The following MDGA2 variants were observed in gnomAD, a reference collection of about 807,000 sequenced individuals.
MDGA2 encodes the protein MAM domain-containing glycosylphosphatidylinositol anchor protein 2.
In MDGA2, 40 loss-of-function variants were observed where a neutral mutation model predicts 117.8. The ratio of observed to expected loss-of-function variants is 0.34; its 90% CI spans 0.26 to 0.44. The LOEUF (loss-of-function observed/expected upper bound fraction) is 0.44, where lower values mean the gene tolerates loss of function less well. Ranked by LOEUF, MDGA2 falls within the 20% of genes least tolerant of loss-of-function variation. The pLI is 1.00. For missense variants in MDGA2, 1,123 were observed against 1,250.6 expected (o/e 0.90, Z 1.54); for synonymous variants, 452 against 439.0 (o/e 1.03, Z -0.37).
chr14:47,579,744 CA>C (rs1896192619), intron 1 of MDGA2, among the ~76,000 whole-genome samples: 1 of 152,046 alleles, frequency 6.6e-6, no homozygotes, highest in South Asian at 2.1e-4. Context: ...TCAATCTTTA[CA>C]GAAAGTTAGG....
chr14:47,673,667 T>TGTGTGTGC (rs774542643), intron 1 of MDGA2, among the ~76,000 whole-genome samples: 1 of 143,532 alleles, frequency 7.0e-6, no homozygotes, highest in South Asian at 2.2e-4. Flanking sequence ...TGTGTGTGTG[T>TGTGTGTGC]GTGCTTCCAT....
intron 1 of MDGA2, among the ~76,000 whole-genome samples, chr14:47,477,126 C>T (rs940366739): frequency 6.6e-6 from 1 of 152,206 alleles, no homozygotes; most frequent in East Asian, 1.9e-4. Flanking sequence ...CGTGCCATTG[C>T]ACTCCAGCCT....
chr14:46,962,601 A>C (rs900528399), intron 8 of MDGA2, among the ~76,000 whole-genome samples: 2 of 151,998 alleles, frequency 1.3e-5, no homozygotes, highest in Non-Finnish European at 2.9e-5. Context: ...TAAACATTTT[A>C]AATGTTTTTA....
chr14:47,436,750 C>CA (rs1310054352), intron 1 of MDGA2, among the ~76,000 whole-genome samples: 5 of 152,198 alleles, frequency 3.3e-5, no homozygotes, highest in African/African-American at 1.2e-4. Flanking sequence ...GGGCCTCATT[C>CA]AAAGCTGTCC....
chr14:47,308,795 C>T (rs1164309294), intron 1 of MDGA2, among the ~76,000 whole-genome samples: 1 of 152,076 alleles, frequency 6.6e-6, no homozygotes, highest in East Asian at 1.9e-4. Context: ...ATGTGCTTTG[C>T]CCTCCTCTGT....
chr14:46,885,149 T>C (rs1232819180), intron 10 of MDGA2, among the ~76,000 whole-genome samples: 2 of 151,988 alleles, frequency 1.3e-5, no homozygotes, highest in Non-Finnish European at 2.9e-5. Context: ...GCCTGGCCAA[T>C]ATATTGCTTT....
At chr14:47,344,625 G>T (rs1171778139) in intron 1 of MDGA2, among the ~76,000 whole-genome samples, 1 of 151,804 alleles carries the variant, frequency 6.6e-6, no homozygotes, top group Non-Finnish European at 1.5e-5. Context: ...TTGGTATACT[G>T]GTCCCTTGGC....
chr14:47,061,881 T>A (rs537676055), intron 6 of MDGA2, among the ~76,000 whole-genome samples: 15 of 152,140 alleles, frequency 9.9e-5, no homozygotes, highest in African/African-American at 3.6e-4. Context: ...AATATTGACA[T>A]TGAATTTTGA....
intron 7 of MDGA2, chr14:47,058,894 G>T: frequency 2.0e-6 from 2 of 978,916 alleles, no homozygotes; most frequent in Non-Finnish European, 2.4e-6. Flanking sequence ...CCCCAAATTT[G>T]CTTTAATGCT....
intron 3 of MDGA2, among the ~76,000 whole-genome samples, chr14:47,187,004 C>T (rs1243604205): frequency 6.6e-6 from 1 of 151,706 alleles, no homozygotes; most frequent in Non-Finnish European, 1.5e-5. Context: ...TTTCTGCTGC[C>T]AATAATGAAG....
intron 1 of MDGA2, among the ~76,000 whole-genome samples, chr14:47,552,838 C>T (rs1895610197): frequency 6.6e-6 from 1 of 152,182 alleles, no homozygotes; most frequent in Non-Finnish European, 1.5e-5. Context: ...CATGTGACTC[C>T]TTTGTATACC....
chr14:46,890,410 T>C (rs555926554), intron 10 of MDGA2, among the ~76,000 whole-genome samples: 1 of 152,260 alleles, frequency 6.6e-6, no homozygotes, highest in South Asian at 2.1e-4. Context: ...AAAAAGTTTT[T>C]AACTTATATA....
intron 3 of MDGA2, among the ~76,000 whole-genome samples, chr14:47,203,989 G>A (rs1167212209): frequency 2.0e-5 from 3 of 151,922 alleles, no homozygotes; most frequent in Non-Finnish European, 2.9e-5. Flanking sequence ...AGAAAAATTT[G>A]AGTTGGCACA....
At chr14:47,085,975 AAATT>A (rs1890880974) in intron 6 of MDGA2, among the ~76,000 whole-genome samples, 1 of 152,114 alleles carries the variant, frequency 6.6e-6, no homozygotes, top group South Asian at 2.1e-4. Context: ...CAATGCTTTT[AAATT>A]AATTACCTTA....
chr14:47,304,924 A>T (rs1156936851), intron 1 of MDGA2, among the ~76,000 whole-genome samples: 1 of 152,124 alleles, frequency 6.6e-6, no homozygotes, highest in Non-Finnish European at 1.5e-5. Flanking sequence ...TTCTTGGATT[A>T]CTTATAAATG....
chr14:47,252,284 G>A (rs1221753034), intron 2 of MDGA2, among the ~76,000 whole-genome samples: 1 of 151,890 alleles, frequency 6.6e-6, no homozygotes, highest in African/African-American at 2.4e-5. Flanking sequence ...TAATAAATAA[G>A]AAATAAATTA....
At chr14:47,355,248 C>T (rs1369868042) in intron 1 of MDGA2, among the ~76,000 whole-genome samples, 1 of 152,134 alleles carries the variant, frequency 6.6e-6, no homozygotes, top group Non-Finnish European at 1.5e-5. Context: ...CTATGATCAG[C>T]CCTGAATGAG....
intron 2 of MDGA2, among the ~76,000 whole-genome samples, chr14:47,268,373 C>A (rs1408664062): frequency 2.6e-5 from 4 of 152,004 alleles, no homozygotes; most frequent in African/African-American, 9.7e-5. Context: ...GTGCGCCAGG[C>A]CCTTATTTCC....
intron 10 of MDGA2, among the ~76,000 whole-genome samples, chr14:46,905,292 A>T (rs1883444911): frequency 6.6e-6 from 1 of 152,210 alleles, no homozygotes; most frequent in Admixed American, 6.5e-5. Context: ...ATTTTTAAGC[A>T]GTTGGGACTT....
Sources: gnomAD v4.1 joint callset for allele counts (sites outside exome capture counted in the v4.1 genomes callset) on GRCh38, gnomAD v4.1.1 for gene constraint, MANE v1.5 for transcripts, NCBI Gene and HGNC (gene_info 2026-07-23, HGNC 2026-07-21) for gene names.